ZSCAN26: variants seen among roughly 807,000 people sequenced by gnomAD.
The protein encoded by ZSCAN26 is zinc finger and SCAN domain-containing protein 26.
A neutral mutation model predicts 23.0 loss-of-function variants in ZSCAN26; 26 were observed. That is an observed-to-expected ratio of 1.13 (90% CI 0.83 to 1.57). The LOEUF (loss-of-function observed/expected upper bound fraction) is 1.57, where lower values mean the gene tolerates loss of function less well. Among genes scored for constraint, ZSCAN26 ranks in the 40% most tolerant of loss-of-function variants. The pLI is 0.00. For synonymous variants in ZSCAN26, 180 were observed against 202.5 expected (o/e 0.89, Z 0.94); for missense variants, 528 against 568.5 (o/e 0.93, Z 0.72).
chr6:28,270,754 C>T (rs903762792), intron 1 of ZSCAN26, among the ~76,000 whole-genome samples: 1 of 152,202 alleles, frequency 6.6e-6, no homozygotes, highest in African/African-American at 2.4e-5. Flanking sequence ...TCCATTTTCT[C>T]ATTTCCTATG....
At chr6:28,272,625 C>T (rs919989615) in intron 2 of ZSCAN26, 45 bp from the exon 3 acceptor site, 4 of 1,486,784 alleles carry the variant, frequency 2.7e-6, no homozygotes, top group Non-Finnish European at 3.7e-6. Context: ...GTTTCCTAAA[C>T]CCACATATAT....
chr6:28,272,282 C>T lies in ZSCAN26; in HGVS notation c.363C>T (p.Asp121=), dbSNP rs920026866. 1.6e-5 allele frequency: 26 copies of T among 1,596,662 alleles called. No homozygotes were observed. The highest frequency in any genetic ancestry group is 5.3e-5 in the Admixed American group (3 of 56,842). ...VQEHHPESRE[D]VVVVLEDLQL... ...AGCATCACCCAGAGAGCAGGGAGGA[C>T]GTGGTTGTTGTTCTGGAGGATTTGC... is the stretch of plus-strand genomic sequence containing the variant. Residue 121 remains aspartate, a synonymous_variant, in exon 2 of 4, where the codon GAC becomes GAT. Transcript: ENST00000421553.
intron 3 of ZSCAN26, among the ~76,000 whole-genome samples, chr6:28,275,705 A>C (rs1276096795): frequency 6.6e-6 from 1 of 152,230 alleles, no homozygotes; most frequent in Non-Finnish European, 1.5e-5. Flanking sequence ...ATGGATGAGG[A>C]CACAGAGCCC....
rs1262725181 is a variant in ZSCAN26 at position 28,276,582 on chromosome 6, AG to A, written c.927del (p.Lys309AsnfsTer98). ...VRHQKIHLGEKPYQCNECGKV... is the reference protein window; with the variant it reads ...VRHQKIHLGEXPYQCNECGKV... ...CATCAGAAAATCCATCTTGGTGAGA[AG>A]CCTTATCAGTGCAATGAGTGTGGCA... On this transcript the variant is annotated frameshift_variant, in exon 4 of 4. Coordinates refer to ENST00000421553, the MANE Select transcript of ZSCAN26 (RefSeq NM_001023560.4). LOFTEE classifies it low-confidence loss of function (END_TRUNC). The A allele has an allele frequency of 1.2e-6, 2 of 1,613,050 alleles. No homozygotes were observed. The highest frequency in any genetic ancestry group is 2.7e-5 in the African/African-American group (2 of 74,948).
chr6:28,269,329 T>C (rs1275141211), intron 1 of ZSCAN26, among the ~76,000 whole-genome samples: 3 of 152,112 alleles, frequency 2.0e-5, no homozygotes, highest in Admixed American at 1.3e-4. Context: ...TAAACAATAA[T>C]ACGAATTATG....
In ZSCAN26 at chr6:28,272,545, T is replaced by A. The variant is rs190803245; in HGVS notation, c.421-125T>A. 4 of 1,024,480 alleles carry A rather than the reference T, an allele frequency of 3.9e-6. No homozygotes were observed. The Admixed American group carries it at 1.1e-4, about 29-fold the overall frequency. 63.5% of individuals were successfully genotyped at this position (1,024,480 alleles called of 1,614,324 possible). ...TGAATGTGCACCAGATTCCCCATCT[T>A]CTTTTCTTTGCCCCTCTGGGGTTTC... is the stretch of plus-strand genomic sequence containing the variant. On this transcript the variant is annotated intron_variant, in intron 2 of 3. Transcript: ENST00000421553.
rs888023040 is a variant in ZSCAN26 at position 28,275,054 on chromosome 6, C to T, written c.539-1141C>T. Among the ~76,000 whole-genome samples, 87 of 152,092 alleles carry T rather than the reference C, an allele frequency of 5.7e-4. 1 individual carries two copies. The highest frequency in any genetic ancestry group is 1.8e-4 in the Non-Finnish European group (12 of 68,028). ...CCTGTGACCTTCCTTTCTCTGATGT[C>T]TCCTTACTAATTCCTTCACTTTCAC... is the stretch of plus-strand genomic sequence containing the variant. On this transcript the variant is annotated intron_variant, in intron 3 of 3. Coordinates refer to ENST00000421553, the MANE Select transcript of ZSCAN26 (RefSeq NM_001023560.4).
intron 3 of ZSCAN26, among the ~76,000 whole-genome samples, chr6:28,274,555 C>A (rs1249144681): frequency 6.6e-6 from 1 of 152,166 alleles, no homozygotes; most frequent in East Asian, 1.9e-4. Context: ...GCCTGGGCAA[C>A]ATAGTGAAAC....
intron 1 of ZSCAN26, among the ~76,000 whole-genome samples, chr6:28,268,400 C>A (rs1761530956): frequency 6.6e-6 from 1 of 152,042 alleles, no homozygotes; most frequent in African/African-American, 2.4e-5. Context: ...GATCAAAAAA[C>A]AATGTAAACC....
At chr6:28,274,156 G>T (rs1761841050) in intron 3 of ZSCAN26, among the ~76,000 whole-genome samples, 1 of 148,228 alleles carries the variant, frequency 6.7e-6, no homozygotes, top group South Asian at 2.1e-4. Context: ...TTTTTCTCTT[G>T]CCAGACTAAA....
chr6:28,272,573 T>G, intron 2 of ZSCAN26, 97 bp from the exon 3 acceptor site: 1 of 1,132,638 alleles, frequency 8.8e-7, no homozygotes, highest in Non-Finnish European at 1.2e-6. Context: ...GGGGTTTCTC[T>G]TTCTTCTCTT....
chr6:28,274,832 G>C (rs893637400), intron 3 of ZSCAN26, among the ~76,000 whole-genome samples: 4 of 152,130 alleles, frequency 2.6e-5, no homozygotes, highest in Admixed American at 2.6e-4. Flanking sequence ...CAAAGTTCAG[G>C]TTGTTTTTTG....
In ZSCAN26 at chr6:28,276,366, G is replaced by C; in HGVS notation, c.710G>C (p.Arg237Pro). 4 of 1,613,978 alleles carry C rather than the reference G, an allele frequency of 2.5e-6. No homozygotes were observed. The highest frequency in any genetic ancestry group is 3.4e-6 in the Non-Finnish European group (4 of 1,179,872). The change falls in exon 4 of 4, where the codon CGT becomes CCT. Residue 237 changes from arginine to proline, a missense_variant. Arg to Pro is a moderately radical substitution (Grantham distance 103). Coordinates refer to ENST00000421553, the MANE Select transcript of ZSCAN26 (RefSeq NM_001023560.4). ...KEKIEYKCSE[R>P]EQRFIQHLDL... ...AAGATTGAGTATAAATGCTCAGAAC[G>C]TGAGCAGAGATTCATCCAGCACTTG...
rs1354850025 is a variant in ZSCAN26, at chr6:28,276,503, C to G, written c.847C>G (p.His283Asp). ...GAAAGTCCTCTCTAGAGAGAAAGGT[C>G]ATCAGTGTCATGAGTGTGGGAAAGC... is the stretch of plus-strand genomic sequence containing the variant. ...HKKVLSREKG[H>D]QCHECGKAFQ... Residue 283 changes from histidine to aspartate, a missense_variant, in exon 4 of 4, where the codon CAT becomes GAT. Transcript: ENST00000421553. The G allele has an allele frequency of 6.2e-7, 1 of 1,613,916 alleles. No individual in the cohort carries two copies. The highest frequency in any genetic ancestry group is 8.5e-7 in the Non-Finnish European group (1 of 1,179,856).
At chr6:28,272,526 T>C in intron 2 of ZSCAN26, 144 bp from the exon 3 acceptor site, 2 of 959,674 alleles carry the variant, frequency 2.1e-6, no homozygotes, top group Non-Finnish European at 3.1e-6. Flanking sequence ...AAACTGAATG[T>C]GCACCAGATT....
intron 3 of ZSCAN26, 64 bp downstream of exon 3, chr6:28,272,851 T>C: frequency 1.5e-6 from 2 of 1,369,090 alleles, no homozygotes; most frequent in Non-Finnish European, 2.1e-6. Context: ...CCTCTGAGGT[T>C]GTGCTTAGCA....
At chr6:28,268,144 G>C (rs1761520851) in intron 1 of ZSCAN26, among the ~76,000 whole-genome samples, 1 of 152,070 alleles carries the variant, frequency 6.6e-6, no homozygotes, top group Non-Finnish European at 1.5e-5. Context: ...TTCTCTGCAC[G>C]AAGAAATTAG....
At chr6:28,268,771 T>C (rs71559075) in intron 1 of ZSCAN26, among the ~76,000 whole-genome samples, 2 of 152,210 alleles carry the variant, frequency 1.3e-5, no homozygotes, top group Non-Finnish European at 2.9e-5. Context: ...TTATATATTG[T>C]GTTTGATATA....
At chr6:28,275,142 A>G (rs1361620851) in intron 3 of ZSCAN26, among the ~76,000 whole-genome samples, 1 of 151,992 alleles carries the variant, frequency 6.6e-6, no homozygotes, top group African/African-American at 2.4e-5. Context: ...ACTTGCTCAC[A>G]CTGATTAACC....
Sources: allele counts gnomAD v4.1 joint callset (sites outside exome capture counted in the v4.1 genomes callset), GRCh38; gene constraint gnomAD v4.1.1; transcripts MANE v1.5; gene names NCBI Gene and HGNC (gene_info 2026-07-23, HGNC 2026-07-21).